Variants in GANC observed in about 807,000 individuals in gnomAD.
GANC encodes glucosidase alpha, neutral C.
In GANC, 117 loss-of-function variants were observed where a neutral mutation model predicts 124.2. That is an observed-to-expected ratio of 0.94 (90% CI 0.81 to 1.10). The LOEUF (loss-of-function observed/expected upper bound fraction) is 1.10, where lower values mean the gene tolerates loss of function less well. Among genes scored for constraint, GANC ranks in the 50% least tolerant of loss-of-function variants. The probability of loss-of-function intolerance (pLI) is 0.00; values close to 1 mark genes in which losing one functional copy is unlikely to be tolerated. For missense variants in GANC, 1,140 were observed against 1,095.0 expected, an observed-to-expected ratio of 1.04 and a Z score of -0.58; for synonymous variants, 377 against 376.8, an observed-to-expected ratio of 1.00 and a Z score of -0.01.
intron 3 of GANC, chr15:42,284,083 T>C (rs1383387818): frequency 1.5e-6 from 1 of 676,688 alleles, no homozygotes; most frequent in South Asian, 1.6e-5. Context: ...CTATGTCTTT[T>C]AGGTTAACAG....
intron 3 of GANC, among the ~76,000 whole-genome samples, chr15:42,284,570 C>T (rs970568700): frequency 6.6e-6 from 1 of 152,144 alleles, no homozygotes; most frequent in African/African-American, 2.4e-5. Flanking sequence ...AATGAACCTC[C>T]AAAATTTATT....
Position 42,343,037 on chromosome 15 carries a change from CT to C in GANC, c.2153-39del, listed in dbSNP as rs573651014. 708 of 1,542,452 alleles carry C rather than the reference CT, an allele frequency of 4.6e-4. 7 individuals carry two copies. The African/African-American group carries it at 8.6e-3, about 19-fold the overall frequency. ...AAAGAGAAAGGAGATTTTTAGACCT[CT>C]TATAATGATACTCAACTTTATTTCC... On this transcript the variant is annotated intron_variant, in intron 18 of 23. Transcript: ENST00000318010.
chr15:42,334,299 T>G (rs936292851), intron 15 of GANC, among the ~76,000 whole-genome samples: 8 of 152,090 alleles, frequency 5.3e-5, no homozygotes, highest in African/African-American at 1.7e-4. Context: ...GTGGCTGGGA[T>G]TACAGGTGCC....
intron 10 of GANC, among the ~76,000 whole-genome samples, chr15:42,317,670 T>C (rs146561692): frequency 1.3e-5 from 2 of 152,002 alleles, no homozygotes; most frequent in Non-Finnish European, 2.9e-5. Flanking sequence ...GTAAAGCTGT[T>C]AAAAGTATTG....
chr15:42,327,300 A>T, intron 12 of GANC, 63 bp from the exon 13 acceptor site: 1 of 1,242,776 alleles, frequency 8.0e-7, no homozygotes, highest in Non-Finnish European at 1.1e-6. Flanking sequence ...TACCTTCTTT[A>T]CAATGCATCC....
In GANC at chr15:42,273,661, T is replaced by C. The variant is rs2051614743; in HGVS notation, c.-821T>C. The C allele has an allele frequency of 2.0e-6, 1 of 505,704 alleles. No individual in the cohort carries two copies. The highest frequency in any genetic ancestry group is 2.5e-5 in the South Asian group (1 of 39,626). The allele number at this position is 505,704 out of a possible 1,614,324, so 31.3% of individuals were successfully genotyped here. On this transcript the variant is annotated 5_prime_UTR_variant, in exon 1 of 24. Transcript: ENST00000318010. ...ACATGCCAGCCTGGCCTGAGTCTTTTCTGTCTCCCAGCCGTTAAAGGTTTT... is the reference window on the plus strand; with the variant it reads ...ACATGCCAGCCTGGCCTGAGTCTTTCCTGTCTCCCAGCCGTTAAAGGTTTT...
chr15:42,335,961 T>C (rs1028959323), intron 15 of GANC, among the ~76,000 whole-genome samples: 3 of 151,762 alleles, frequency 2.0e-5, no homozygotes, highest in African/African-American at 4.8e-5. Context: ...CTCAAAGAAA[T>C]CAGAGATAAC....
At chr15:42,299,800 A>G (rs868153340) in intron 6 of GANC, among the ~76,000 whole-genome samples, 9 of 152,154 alleles carry the variant, frequency 5.9e-5, no homozygotes, top group African/African-American at 7.2e-5. Context: ...GAAATAACCA[A>G]ATAACACCAC....
chr15:42,303,566 G>C (rs1288703419), intron 6 of GANC, among the ~76,000 whole-genome samples: 1 of 150,812 alleles, frequency 6.6e-6, no homozygotes. Context: ...CTGGCAAATT[G>C]GATAAAGAGT....
chr15:42,341,725 G>A (rs1386855024), intron 18 of GANC, among the ~76,000 whole-genome samples: 1 of 151,990 alleles, frequency 6.6e-6, no homozygotes, highest in Non-Finnish European at 1.5e-5. Flanking sequence ...ACTATGCCTG[G>A]CTAATTTTTT....
chr15:42,287,552 T>A, intron 3 of GANC, 139 bp from the exon 4 acceptor site: 1 of 798,272 alleles, frequency 1.3e-6, no homozygotes, highest in Non-Finnish European at 1.9e-6. Context: ...GGGGAGCTTT[T>A]TTTTTTAATT....
At chr15:42,331,548 C>T (rs896039477) in intron 15 of GANC, among the ~76,000 whole-genome samples, 2 of 152,150 alleles carry the variant, frequency 1.3e-5, no homozygotes, top group Non-Finnish European at 2.9e-5. Context: ...TTAAAGAATC[C>T]AGCCCTTACT....
intron 5 of GANC, among the ~76,000 whole-genome samples, chr15:42,297,071 C>T (rs1308894735): frequency 6.6e-6 from 1 of 152,100 alleles, no homozygotes; most frequent in African/African-American, 2.4e-5. Flanking sequence ...AATAAATTGT[C>T]ACAATCATTC....
At chr15:42,306,028 C>CT (rs2051991955) in intron 6 of GANC, among the ~76,000 whole-genome samples, 1 of 75,576 alleles carries the variant, frequency 1.3e-5, no homozygotes, top group Non-Finnish European at 3.4e-5. Context: ...ACCACCATGT[C>CT]TATTTTTTTT....
At chr15:42,338,335 A>G (rs2052299750) in intron 15 of GANC, 54 bp from the exon 16 acceptor site, 1 of 1,250,384 alleles carries the variant, frequency 8.0e-7, no homozygotes, top group East Asian at 2.4e-5. Context: ...TACATAGGAA[A>G]TTGAACGCAT....
chr15:42,350,646 G>A (rs188910327), intron 22 of GANC, among the ~76,000 whole-genome samples: 11 of 142,722 alleles, frequency 7.7e-5, no homozygotes, highest in Admixed American at 2.1e-4. Context: ...TCAGCCTCCC[G>A]GGTTCAAGCA....
At chr15:42,296,663 T>C (rs1382394413) in intron 5 of GANC, among the ~76,000 whole-genome samples, 1 of 152,114 alleles carries the variant, frequency 6.6e-6, no homozygotes, top group Non-Finnish European at 1.5e-5. Context: ...AAAGTGCCCA[T>C]ATTACAGGTG....
At chr15:42,283,994 C>G (rs1278417437) in intron 3 of GANC, 1 of 702,522 alleles carries the variant, frequency 1.4e-6, no homozygotes, top group East Asian at 2.7e-5. Flanking sequence ...TGTCCTACAG[C>G]AATTTAATGA....
intron 6 of GANC, among the ~76,000 whole-genome samples, chr15:42,305,267 AC>A (rs1475301871): frequency 1.3e-5 from 2 of 152,236 alleles, no homozygotes; most frequent in South Asian, 2.1e-4. Flanking sequence ...CAAGAAAAAA[AC>A]AACCCCATCA....
Sources: gnomAD v4.1 joint callset for allele counts (sites outside exome capture counted in the v4.1 genomes callset) on GRCh38, gnomAD v4.1.1 for gene constraint, MANE v1.5 for transcripts, NCBI Gene and HGNC (gene_info 2026-07-23, HGNC 2026-07-21) for gene names.